Variants in DNAJC21 observed in about 807,000 individuals in gnomAD.
The protein encoded by DNAJC21 is DnaJ heat shock protein family (Hsp40) member C21, also known as dnaJ homolog subfamily C member 21.
DNAJC21 carries 63 observed loss-of-function variants against 72.4 expected under a neutral mutation model. That is an observed-to-expected ratio of 0.87 (90% CI 0.71 to 1.07). The LOEUF is 1.07. Among genes scored for constraint, DNAJC21 ranks in the 50% least tolerant of loss-of-function variants. The probability of loss-of-function intolerance (pLI) is 0.00; values close to 1 mark genes in which losing one functional copy is unlikely to be tolerated. For synonymous variants in DNAJC21, 203 were observed against 216.7 expected (o/e 0.94, Z 0.56); for missense variants, 634 against 644.8 (o/e 0.98, Z 0.18).
At chr5:34,938,281 G>A (rs983174282) in intron 5 of DNAJC21, among the ~76,000 whole-genome samples, 1 of 152,138 alleles carries the variant, frequency 6.6e-6, no homozygotes, top group East Asian at 1.9e-4. Flanking sequence ...TATCCTCCTT[G>A]TTCTTCTGAG....
In DNAJC21 at chr5:34,937,332, C is replaced by T. The variant is rs1006897014; in HGVS notation, c.445C>T (p.His149Tyr). Reference sequence around the variant, plus strand: ...CTGTTTTCTTTGTCACTAGGTAGTCCATCCTTTCTACGCTTATTGGCAGAG... The same window carrying T: ...CTGTTTTCTTTGTCACTAGGTAGTCTATCCTTTCTACGCTTATTGGCAGAG... ...DSQSDYDTVVHPFYAYWQSFC... is the reference protein window; with the variant it reads ...DSQSDYDTVVYPFYAYWQSFC... The change falls in exon 5 of 12, where the codon CAT (histidine) becomes TAT (tyrosine). Residue 149 changes from histidine to tyrosine, a missense_variant. By Grantham distance (83) the His-to-Tyr change is moderately conservative. Transcript: ENST00000648817. 6.2e-7 allele frequency: 1 copy of T among 1,606,896 alleles called. No individual in the cohort carries two copies. The highest frequency in any genetic ancestry group is 1.1e-5 in the South Asian group (1 of 89,692).
intron 1 of DNAJC21, among the ~76,000 whole-genome samples, chr5:34,931,172 G>A (rs1430443338): frequency 6.6e-6 from 1 of 152,164 alleles, no homozygotes; most frequent in Non-Finnish European, 1.5e-5. Context: ...AAAAGGGAAT[G>A]GCTATGGTGA....
At chr5:34,930,578 C>T (rs987798099) in intron 1 of DNAJC21, among the ~76,000 whole-genome samples, 1 of 152,088 alleles carries the variant, frequency 6.6e-6, no homozygotes, top group Non-Finnish European at 1.5e-5. Flanking sequence ...AGTATCCTTC[C>T]TTTGGATGTT....
At chr5:34,951,844 G>A in intron 10 of DNAJC21, 1 of 985,460 alleles carries the variant, frequency 1.0e-6, no homozygotes, top group African/African-American at 1.7e-5. Flanking sequence ...TTCTACATGA[G>A]AATTGATCTG....
chr5:34,947,813 T>A (rs1325861814), intron 9 of DNAJC21, among the ~76,000 whole-genome samples: 2 of 152,130 alleles, frequency 1.3e-5, no homozygotes, highest in Non-Finnish European at 2.9e-5. Context: ...CCACATTGTT[T>A]TTGTTATTGT....
chr5:34,947,552 T>C (rs1765209789), intron 9 of DNAJC21, among the ~76,000 whole-genome samples: 1 of 149,986 alleles, frequency 6.7e-6, no homozygotes, highest in Admixed American at 6.7e-5. Context: ...TCTAAGAGGT[T>C]TGTTAGTTAT....
intron 9 of DNAJC21, among the ~76,000 whole-genome samples, chr5:34,949,896 A>G (rs1012778442): frequency 2.0e-5 from 3 of 152,200 alleles, no homozygotes; most frequent in Admixed American, 6.5e-5. Flanking sequence ...AATATGTTGT[A>G]AGTATTTTTT....
intron 10 of DNAJC21, chr5:34,950,835 A>G (rs1765340029): frequency 8.1e-6 from 8 of 985,740 alleles, no homozygotes; most frequent in East Asian, 2.3e-4. Context: ...GGTGTGGACT[A>G]GGAGGAGGTC....
At chr5:34,934,422 G>A (rs1461955959) in intron 2 of DNAJC21, among the ~76,000 whole-genome samples, 1 of 151,028 alleles carries the variant, frequency 6.6e-6, no homozygotes, top group Non-Finnish European at 1.5e-5. Flanking sequence ...GTAGAGACGG[G>A]GTTTCAGCAT....
In DNAJC21 at chr5:34,944,866, G is replaced by A; in HGVS notation, c.984-1G>A. The stretch of plus-strand genomic sequence containing the variant: ...CTGCTCACGTCAGATTGCTCTTTCA[G>A]CATGAAGAATCACGAGAAGTCAAAG... On this transcript the variant is annotated splice_acceptor_variant, in intron 7 of 11. Transcript: ENST00000648817. LOFTEE classifies it high-confidence loss of function. The A allele has an allele frequency of 1.2e-6, 2 of 1,614,100 alleles. No homozygotes were observed. The highest frequency in any genetic ancestry group is 1.7e-6 in the Non-Finnish European group (2 of 1,180,008).
In DNAJC21 at chr5:34,939,662, G is replaced by A. The variant is rs112251423; in HGVS notation, c.895+653G>A. ...GATATTGCATGAGAATCTATGTGTT[G>A]TGTATAAATTCTTCCTCTCCCTTGT... On this transcript the variant is annotated intron_variant, in intron 6 of 11. Transcript: ENST00000648817. 3.9e-3 allele frequency among the ~76,000 whole-genome samples: 590 copies of A among 152,170 alleles called. 2 individuals carry two copies. The highest frequency in any genetic ancestry group is 0.013 in the African/African-American group (549 of 41,520).
At position 34,955,681 on chromosome 5, in the gene DNAJC21, A is replaced by G. The variant is rs1458118252; in HGVS notation, c.*967A>G. On this transcript the variant is annotated 3_prime_UTR_variant, in exon 12 of 12. Transcript: ENST00000648817. ...GAAATATGGAGAACTGTTATAACTG[A>G]GTGTTAGAACAGTCGTGTACATTGA... 1 of 152,132 alleles carries G rather than the reference A, an allele frequency of 6.6e-6. No individual in the cohort carries two copies. The highest frequency in any genetic ancestry group is 1.5e-5 in the Non-Finnish European group (1 of 68,040). The allele number at this position is 152,132 out of a possible 1,614,324, so 9.4% of individuals were successfully genotyped here.
rs532242991 is a variant in DNAJC21, at chr5:34,945,819, T to C, written c.1185+16T>C. The C allele has an allele frequency of 2.6e-6, 4 of 1,543,598 alleles. No individual in the cohort carries two copies. In the African/African-American group the frequency reaches 5.6e-5, roughly 22 times the overall value. On this transcript the variant is annotated intron_variant, in intron 9 of 11. Coordinates refer to ENST00000648817, the MANE Select transcript of DNAJC21 (RefSeq NM_001012339.3). ...ACCAGCACAGGTATGTTAGAAAGGT[T>C]TTGTTAACATTAAATGCCAACGATA...
intron 9 of DNAJC21, among the ~76,000 whole-genome samples, chr5:34,946,690 A>G (rs1460687346): frequency 6.6e-6 from 1 of 152,112 alleles, no homozygotes; most frequent in East Asian, 1.9e-4. Context: ...ATTGACATCT[A>G]CCATCATCCA....
Position 34,956,911 on chromosome 5 carries a change from A to C in DNAJC21, c.*2197A>C, listed in dbSNP as rs1203333525. 6.6e-6 allele frequency: 1 copy of C among 152,234 alleles called. No homozygotes were observed. 9.4% of individuals were successfully genotyped at this position (152,234 alleles called of 1,614,324 possible). A position where few individuals can be genotyped will look rare whatever the true frequency, so the allele number is the denominator to read the frequency against. On this transcript the variant is annotated 3_prime_UTR_variant, in exon 12 of 12. Coordinates refer to ENST00000648817, the MANE Select transcript of DNAJC21 (RefSeq NM_001012339.3). ...ATAATATTGTCTCCATTTATCATAC[A>C]GGATCATTATGAAAGTAAAATGAAG...
At chr5:34,950,833 C>T (rs1037164447) in intron 10 of DNAJC21, 1 of 985,848 alleles carries the variant, frequency 1.0e-6, no homozygotes, top group East Asian at 1.1e-4. Context: ...ATGGTGTGGA[C>T]TAGGAGGAGG....
chr5:34,934,254 A>G (rs1295504780), intron 2 of DNAJC21, among the ~76,000 whole-genome samples: 1 of 151,844 alleles, frequency 6.6e-6, no homozygotes, highest in Non-Finnish European at 1.5e-5. Flanking sequence ...TTTGAGACGC[A>G]GTTTTGCTCT....
chr5:34,956,031 C>T lies in DNAJC21; in HGVS notation c.*1317C>T, dbSNP rs1378843672. On this transcript the variant is annotated 3_prime_UTR_variant, in exon 12 of 12. Transcript: ENST00000648817. Reference sequence around the variant, plus strand: ...TCCCGCCACTGCACTCCAGCCTGGGCGACAGAGCGAGACTCCGTCTCAAAA... The same window carrying T: ...TCCCGCCACTGCACTCCAGCCTGGGTGACAGAGCGAGACTCCGTCTCAAAA... 3 of 117,330 alleles carry T rather than the reference C, an allele frequency of 2.6e-5. No homozygotes were observed. The highest frequency in any genetic ancestry group is 1.2e-4 in the Admixed American group (1 of 8,384). The allele number at this position is 117,330 out of a possible 1,614,324, so 7.3% of individuals were successfully genotyped here.
At chr5:34,938,698 T>G (rs1324143130) in intron 5 of DNAJC21, among the ~76,000 whole-genome samples, 160 bp from the exon 6 acceptor site, 2 of 152,264 alleles carry the variant, frequency 1.3e-5, no homozygotes, top group African/African-American at 4.8e-5. Flanking sequence ...CAGGTTTAAG[T>G]GACTTTGCCT....
Sources: allele counts gnomAD v4.1 joint callset (sites outside exome capture counted in the v4.1 genomes callset), GRCh38; gene constraint gnomAD v4.1.1; transcripts MANE v1.5; gene names NCBI Gene and HGNC (gene_info 2026-07-23, HGNC 2026-07-21).